The following PNMA6E variants were observed in gnomAD, a reference collection of about 807,000 sequenced individuals.
PNMA6E encodes PNMA family member 6E.
For synonymous variants in PNMA6E, 43 were observed against 17.1 expected, an observed-to-expected ratio of 2.52 and a Z score of -3.74; for missense variants, 78 against 50.8, an observed-to-expected ratio of 1.53 and a Z score of -1.63.
At position 153,396,945 on chromosome X, in the gene PNMA6E, G is replaced by A. The variant is rs1032226768; in HGVS notation, c.1905C>T (p.Ala635=). 61 of 296,367 alleles carry A rather than the reference G, an allele frequency of 2.1e-4. No homozygotes were observed. The highest frequency in any genetic ancestry group is 9.8e-4 in the African/African-American group (36 of 36,691). The allele number at this position is 296,367 out of a possible 1,213,427, so 24.4% of individuals were successfully genotyped here. ...AGGACTTGGGCTGGCCCTCGTCCCC[G>A]GCCCCATCCTCATCCTCGTTTTCCG... ...EEPENEDEDG[A]GDEGQPKSSQ... The change falls in exon 2 of 2, where the codon GCC becomes GCT. Residue 635 remains alanine, a synonymous_variant. Transcript: ENST00000445091.
the PNMA6E span, among the ~76,000 whole-genome samples, chrX:153,410,265 CA>C: frequency 8.9e-6 from 1 of 111,781 alleles, no homozygotes; most frequent in Non-Finnish European, 1.9e-5. Flanking sequence ...TCCACATCCT[CA>C]ATTTAATGAC....
chrX:153,406,192 G>A (rs1317417786), upstream of PNMA6E, among the ~76,000 whole-genome samples: 1 of 112,624 alleles, frequency 8.9e-6, no homozygotes, highest in African/African-American at 3.2e-5. Flanking sequence ...GCCCGGGGAG[G>A]GGAGCATTTA....
chrX:153,401,847 T>TTC (rs1364673607), upstream of PNMA6E, among the ~76,000 whole-genome samples: 6 of 101,488 alleles, frequency 5.9e-5, no homozygotes, highest in African/African-American at 2.2e-4. Flanking sequence ...TTTTTTTTTT[T>TTC]TTTTTTTGAG....
At chrX:153,407,189 G>A in the PNMA6E span, among the ~76,000 whole-genome samples, 2 of 112,743 alleles carry the variant, frequency 1.8e-5, no homozygotes, top group African/African-American at 6.4e-5. Context: ...CTCAGCCTCC[G>A]GGCCAGTAGA....
chrX:153,412,150 G>T, the PNMA6E span, among the ~76,000 whole-genome samples: 1 of 112,785 alleles, frequency 8.9e-6, no homozygotes, highest in Non-Finnish European at 1.9e-5. Context: ...GCTCCAGAGG[G>T]TATCAGGTGG....
chrX:153,408,393 C>A, the PNMA6E span, among the ~76,000 whole-genome samples: 1 of 112,683 alleles, frequency 8.9e-6, no homozygotes, highest in African/African-American at 3.2e-5. Context: ...AGGCCTGACA[C>A]TATTGCCCCT....
rs1301460321 is a variant in PNMA6E at position 153,397,448 on chromosome X, T to C, written c.1402A>G (p.Thr468Ala). ...WARPSEALQD[T>A]LRGMQLEKRP... ...TTCTCCAGCTGCATCCCTCTCAGGG[T>C]ATCCTGGAGTGCCTCGCTGGGGCGG... Residue 468 changes from threonine (T) to alanine (A), a missense_variant, in exon 2 of 2, where the codon ACC becomes GCC. By Grantham distance (58) the Thr-to-Ala change is moderately conservative (BLOSUM62 0). Coordinates refer to ENST00000445091, the MANE Select transcript of PNMA6E (RefSeq NM_001367770.1). The C allele has an allele frequency of 3.4e-6, 1 of 297,253 alleles. No individual in the cohort carries two copies. The highest frequency in any genetic ancestry group is 5.9e-6 in the Non-Finnish European group (1 of 170,243). 24.5% of individuals were successfully genotyped at this position (297,253 alleles called of 1,213,427 possible).
upstream of PNMA6E, among the ~76,000 whole-genome samples, chrX:153,404,883 C>A (rs1225458747): frequency 8.9e-6 from 1 of 112,166 alleles, no homozygotes; most frequent in African/African-American, 3.2e-5. Flanking sequence ...GTAAGAAACT[C>A]ACCTAGTGCC....
At position 153,397,789 on chromosome X, in the gene PNMA6E, G is replaced by A. The variant is rs1465219386; in HGVS notation, c.1061C>T (p.Ala354Val). Residue 354 changes from alanine (A) to valine (V), a missense_variant, in exon 2 of 2, where the codon GCG (alanine) becomes GTG (valine). Physicochemically the swap from Ala to Val is moderately conservative, Grantham distance 64. Transcript: ENST00000445091. ...CCACCTCTTCTTCTCCCTTTCCGAC[G>A]CATGGCACCACAGCTGCAGCATATC... Reference protein sequence around the residue: ...AKDMLQLWCHASEREKKRWLL... With the variant: ...AKDMLQLWCHVSEREKKRWLL... 2 of 309,956 alleles carry A rather than the reference G, an allele frequency of 6.5e-6. No individual in the cohort carries two copies. Among genetic ancestry groups the A allele is most frequent in the Non-Finnish European group, 1.1e-5 (2 of 177,896 alleles). The allele number at this position is 309,956 out of a possible 1,213,427, so 25.5% of individuals were successfully genotyped here.
chrX:153,411,431 C>T, the PNMA6E span, among the ~76,000 whole-genome samples: 6 of 112,372 alleles, frequency 5.3e-5, no homozygotes, highest in South Asian at 3.6e-4. Context: ...ATGCCCCCCC[C>T]ACAACGCGCC....
At chrX:153,410,308 C>T in the PNMA6E span, among the ~76,000 whole-genome samples, 5 of 111,823 alleles carry the variant, frequency 4.5e-5, no homozygotes, top group Non-Finnish European at 7.5e-5. Flanking sequence ...GCATATAAGG[C>T]CCTGATCACA....
Position 153,398,754 on chromosome X carries a change from T to A in PNMA6E, c.96A>T (p.Glu32Asp). 2 of 306,046 alleles carry A rather than the reference T, an allele frequency of 6.5e-6. No homozygotes were observed. The highest frequency in any genetic ancestry group is 1.1e-5 in the Non-Finnish European group (2 of 175,013). The allele number at this position is 306,046 out of a possible 1,213,427, so 25.2% of individuals were successfully genotyped here. A position where few individuals can be genotyped will look rare whatever the true frequency, so the allele number is the denominator to read the frequency against. Reference sequence around the variant, plus strand: ...CCCGCACGGCCTCCTGGAACTCATGTTCCTTGCAGTCATCAGGGATACCCA... The same window carrying A: ...CCCGCACGGCCTCCTGGAACTCATGATCCTTGCAGTCATCAGGGATACCCA... ...LILGIPDDCK[E>D]HEFQEAVRAA... Residue 32 changes from glutamate (E) to aspartate (D), a missense_variant, in exon 2 of 2, where the codon GAA becomes GAT. Physicochemically the swap from Glu to Asp is conservative, Grantham distance 45. Coordinates refer to ENST00000445091, the MANE Select transcript of PNMA6E (RefSeq NM_001367770.1).
the PNMA6E span, among the ~76,000 whole-genome samples, chrX:153,413,906 T>A: frequency 8.9e-6 from 1 of 112,406 alleles, no homozygotes; most frequent in Non-Finnish European, 1.9e-5. Flanking sequence ...GCACCTCCGC[T>A]GGGTCTTCCG....
At position 153,396,796 on chromosome X, in the gene PNMA6E, G is replaced by A. The variant is rs1399833932; in HGVS notation, c.*110C>T. 2 of 295,473 alleles carry A rather than the reference G, an allele frequency of 6.8e-6. No individual in the cohort carries two copies. The highest frequency in any genetic ancestry group is 1.2e-5 in the Non-Finnish European group (2 of 169,705). The allele number at this position is 295,473 out of a possible 1,213,427, so 24.4% of individuals were successfully genotyped here. A position where few individuals can be genotyped will look rare whatever the true frequency, so the allele number is the denominator to read the frequency against. ...TGGCCAGAGCCCCTTGGGGGAGGTG[G>A]GGGGCCCTTACTCCTGAATGTGGGG... is the stretch of plus-strand genomic sequence containing the variant. On this transcript the variant is annotated 3_prime_UTR_variant, in exon 2 of 2. Coordinates refer to ENST00000445091, the MANE Select transcript of PNMA6E (RefSeq NM_001367770.1).
chrX:153,396,079 T>C lies in PNMA6E; in HGVS notation c.*827A>G, dbSNP rs1289106219. 8.3e-6 allele frequency: 1 copy of C among 120,032 alleles called. No individual in the cohort carries two copies. The highest frequency in any genetic ancestry group is 2.8e-4 in the East Asian group (1 of 3,525). The allele number at this position is 120,032 out of a possible 1,213,427, so 9.9% of individuals were successfully genotyped here. ...CCCGCTGTGCCCCGGGTCCGGTTCT[T>C]CTTCCCGCAGTCAGGGTCACCATCG... On this transcript the variant is annotated 3_prime_UTR_variant, in exon 2 of 2. Transcript: ENST00000445091.
At chrX:153,407,026 T>C in the PNMA6E span, among the ~76,000 whole-genome samples, 3 of 112,563 alleles carry the variant, frequency 2.7e-5, no homozygotes, top group Non-Finnish European at 5.6e-5. Flanking sequence ...GTAAGAGCGC[T>C]AGCCCTGGCA....
chrX:153,405,535 G>A (rs782359904), upstream of PNMA6E, among the ~76,000 whole-genome samples: 5 of 75,417 alleles, frequency 6.6e-5, no homozygotes, highest in East Asian at 7.9e-4. Context: ...TTCCTCCCCC[G>A]CCCTTTCCTC....
At chrX:153,402,216 T>G (rs1471991457), upstream of PNMA6E, among the ~76,000 whole-genome samples, 2 of 112,166 alleles carry the variant, frequency 1.8e-5, no homozygotes, top group African/African-American at 6.5e-5. Flanking sequence ...TGTCAACTTT[T>G]GTTTTATGTA....
chrX:153,401,112 G>T, intron 1 of PNMA6E, 132 bp downstream of exon 1: 1 of 85,766 alleles, frequency 1.2e-5, no homozygotes, highest in Non-Finnish European at 2.3e-5. Context: ...CCCCAGCTCC[G>T]CAGCCGGCTC....
Sources: gnomAD v4.1 joint callset for allele counts (sites outside exome capture counted in the v4.1 genomes callset) on GRCh38, gnomAD v4.1.1 for gene constraint, MANE v1.5 for transcripts, NCBI Gene and HGNC (gene_info 2026-07-23, HGNC 2026-07-21) for gene names.